The following COBL variants were observed in gnomAD, a reference collection of about 807,000 sequenced individuals.
COBL encodes the protein protein cordon-bleu.
A neutral mutation model predicts 98.8 loss-of-function variants in COBL; 51 were observed. That is an observed-to-expected ratio of 0.52 (90% CI 0.41 to 0.65). The LOEUF is 0.65. COBL is among the 30% of genes least tolerant of loss of function. The probability of loss-of-function intolerance (pLI) is 0.00; values close to 1 mark genes in which losing one functional copy is unlikely to be tolerated. For missense variants in COBL, 1,617 were observed against 1,617.5 expected (o/e 1.00, Z 0.01); for synonymous variants, 634 against 651.7 (o/e 0.97, Z 0.41).
chr7:51,207,477 C>T lies in COBL; in HGVS notation c.245+12264G>A, dbSNP rs575490026. The stretch of plus-strand genomic sequence containing the variant: ...TCTTTCCACGGTCTCCCTCTGATGC[C>T]GAGCCGAAGCAGGACGGTACTGCTG... On this transcript the variant is annotated intron_variant, in intron 2 of 12. Transcript: ENST00000265136. 7.2e-5 allele frequency among the ~76,000 whole-genome samples: 11 copies of T among 152,298 alleles called. No individual in the cohort carries two copies. In the South Asian group the frequency reaches 8.3e-4, roughly 11 times the overall value.
chr7:51,112,382 T>A (rs1319448502), intron 6 of COBL, among the ~76,000 whole-genome samples: 2 of 152,100 alleles, frequency 1.3e-5, no homozygotes, highest in African/African-American at 4.8e-5. Context: ...TTTAAAAATA[T>A]ATAGTTTATG....
At chr7:51,029,846 T>C (rs954603455) in intron 9 of COBL, among the ~76,000 whole-genome samples, 1 of 152,228 alleles carries the variant, frequency 6.6e-6, no homozygotes, top group East Asian at 1.9e-4. Context: ...GCCAACATCC[T>C]TCACTTAAAA....
At chr7:51,300,000 C>G (rs1292092033) in intron 1 of COBL, among the ~76,000 whole-genome samples, 3 of 152,204 alleles carry the variant, frequency 2.0e-5, no homozygotes, top group Non-Finnish European at 4.4e-5. Context: ...TGGACTAGTG[C>G]TGGCCTCAAG....
rs114358229 is a variant in COBL at position 51,181,169 on chromosome 7, C to T, written c.783+2933G>A. 2.4e-3 allele frequency among the ~76,000 whole-genome samples: 360 copies of T among 152,302 alleles called. 3 individuals are homozygous for T. In the South Asian group the frequency reaches 0.037, roughly 16 times the overall value. On this transcript the variant is annotated intron_variant, in intron 5 of 12. Coordinates refer to ENST00000265136, the MANE Select transcript of COBL (RefSeq NM_015198.5). Reference sequence around the variant, plus strand: ...AATCACCCTTCCCAGTGACAAGGGACCCCTTGACACTCAGCGTTTAATCAT... The same window carrying T: ...AATCACCCTTCCCAGTGACAAGGGATCCCTTGACACTCAGCGTTTAATCAT...
At chr7:51,129,149 A>G (rs919454098) in intron 6 of COBL, among the ~76,000 whole-genome samples, 2 of 152,134 alleles carry the variant, frequency 1.3e-5, no homozygotes, top group Non-Finnish European at 2.9e-5. Flanking sequence ...TAGTCCCTTC[A>G]GGCTGCCATA....
chr7:51,162,634 T>C (rs184155645), intron 5 of COBL, among the ~76,000 whole-genome samples: 101 of 152,376 alleles, frequency 6.6e-4, no homozygotes, highest in African/African-American at 2.3e-3. Context: ...CGGTCAGGTT[T>C]ACTCACCATT....
At chr7:51,146,905 G>T (rs555107008) in intron 5 of COBL, among the ~76,000 whole-genome samples, 63 of 152,348 alleles carry the variant, frequency 4.1e-4, no homozygotes, top group Admixed American at 7.8e-4. Context: ...TTGGAGAGCA[G>T]ATACGGCTGC....
chr7:51,106,901 T>C (rs1190784823), intron 6 of COBL, among the ~76,000 whole-genome samples: 1 of 151,978 alleles, frequency 6.6e-6, no homozygotes, highest in Non-Finnish European at 1.5e-5. Context: ...GAGAACAAAA[T>C]GCCCTGAAAC....
At chr7:51,130,668 G>C (rs1798652514) in intron 6 of COBL, among the ~76,000 whole-genome samples, 1 of 152,136 alleles carries the variant, frequency 6.6e-6, no homozygotes, top group African/African-American at 2.4e-5. Flanking sequence ...CCTCCCCCTG[G>C]GTGTCCTCTC....
intron 5 of COBL, among the ~76,000 whole-genome samples, chr7:51,143,501 G>A (rs1458360789): frequency 6.6e-6 from 1 of 152,134 alleles, no homozygotes; most frequent in Non-Finnish European, 1.5e-5. Context: ...ACGAAACCAA[G>A]TATTTCGTGT....
chr7:51,271,139 C>T (rs186277003), intron 1 of COBL, among the ~76,000 whole-genome samples: 4 of 152,284 alleles, frequency 2.6e-5, no homozygotes, highest in East Asian at 1.9e-4. Flanking sequence ...AGCCTCAGTG[C>T]GTGTCACCTG....
At chr7:51,043,779 C>T (rs1487851842) in intron 7 of COBL, 87 bp from the exon 8 acceptor site, 14 of 1,222,438 alleles carry the variant, frequency 1.1e-5, no homozygotes, top group East Asian at 7.2e-5. Context: ...CTGTCGGCCC[C>T]GCTCTAAAAT....
intron 5 of COBL, among the ~76,000 whole-genome samples, chr7:51,145,962 G>A (rs866178629): frequency 1.7e-4 from 26 of 152,000 alleles, no homozygotes; most frequent in Admixed American, 1.3e-4. Context: ...GGGCCCCACC[G>A]CTCTCACCTT....
chr7:51,121,716 T>C (rs914794900), intron 6 of COBL, among the ~76,000 whole-genome samples: 1 of 152,218 alleles, frequency 6.6e-6, no homozygotes, highest in Non-Finnish European at 1.5e-5. Context: ...TTGGATCTTT[T>C]TACACTGCTG....
Position 51,069,022 on chromosome 7 carries a change from G to A in COBL, c.1096+16144C>T, listed in dbSNP as rs1241459280. Among the ~76,000 whole-genome samples, 5 of 152,244 alleles carry A rather than the reference G, an allele frequency of 3.3e-5. No homozygotes were observed. In the South Asian group the frequency reaches 8.3e-4, roughly 25 times the overall value. On this transcript the variant is annotated intron_variant, in intron 7 of 12. Coordinates refer to ENST00000265136, the MANE Select transcript of COBL (RefSeq NM_015198.5). ...TCAAAACGTTGCCCTCGGCCTGATCGCACCCAATCCTCACTAATATGACAA... is the reference window on the plus strand; with the variant it reads ...TCAAAACGTTGCCCTCGGCCTGATCACACCCAATCCTCACTAATATGACAA...
At chr7:51,284,821 C>T (rs567457518) in intron 1 of COBL, among the ~76,000 whole-genome samples, 5 of 148,984 alleles carry the variant, frequency 3.4e-5, no homozygotes, top group Admixed American at 6.7e-5. Context: ...AGCAAGACTC[C>T]GTCTCAAAAA....
intron 1 of COBL, among the ~76,000 whole-genome samples, chr7:51,253,836 T>A (rs1264700265): frequency 6.6e-6 from 1 of 152,228 alleles, no homozygotes; most frequent in Non-Finnish European, 1.5e-5. Flanking sequence ...CAGAATTAAG[T>A]CTTTATTCTG....
chr7:51,105,566 T>C (rs183332144), intron 6 of COBL, among the ~76,000 whole-genome samples: 13 of 152,016 alleles, frequency 8.6e-5, no homozygotes, highest in Admixed American at 2.6e-4. Flanking sequence ...CTGGGCAACA[T>C]AGCAAAACCC....
At chr7:51,189,681 AG>A (rs1271604202) in intron 4 of COBL, among the ~76,000 whole-genome samples, 1 of 151,002 alleles carries the variant, frequency 6.6e-6, no homozygotes, top group Non-Finnish European at 1.5e-5. Context: ...GGAAAAAATT[AG>A]AAAAAAAAGT....
Sources: gnomAD v4.1 joint callset for allele counts (sites outside exome capture counted in the v4.1 genomes callset) on GRCh38, gnomAD v4.1.1 for gene constraint, MANE v1.5 for transcripts, NCBI Gene and HGNC (gene_info 2026-07-23, HGNC 2026-07-21) for gene names.